ATP10D: variants seen among roughly 807,000 people sequenced by gnomAD.
ATP10D encodes phospholipid-transporting ATPase VD.
In ATP10D, 89 loss-of-function variants were observed where a neutral mutation model predicts 144.8. The observed-to-expected ratio is 0.61, with a 90% CI of 0.52 to 0.73. ATP10D has a LOEUF of 0.73. Among genes scored for constraint, ATP10D ranks in the 30% least tolerant of loss-of-function variants. The pLI is 0.00. For synonymous variants in ATP10D, 571 were observed against 615.1 expected (o/e 0.93, Z 1.06); for missense variants, 1,603 against 1,714.8 (o/e 0.93, Z 1.15).
Position 47,512,706 on chromosome 4 carries a change from C to T in ATP10D, c.166C>T (p.His56Tyr), listed in dbSNP as rs1254583453. Residue 56 changes from histidine to tyrosine, a missense_variant, in exon 2 of 23, where the codon CAC (histidine) becomes TAC (tyrosine). Physicochemically the swap from His to Tyr is moderately conservative, Grantham distance 83 (BLOSUM62 2). Coordinates refer to ENST00000273859, the MANE Select transcript of ATP10D (RefSeq NM_020453.4). ...LSGRHRIVVP[H>Y]IQPFKDEYEK... ...AGGAAGGCACCGGATTGTTGTTCCC[C>T]ACATCCAGCCCTTCAAGGATGAGTA... 3 of 1,614,096 alleles carry T rather than the reference C, an allele frequency of 1.9e-6. No homozygotes were observed. The highest frequency in any genetic ancestry group is 2.5e-6 in the Non-Finnish European group (3 of 1,180,044).
intron 1 of ATP10D, among the ~76,000 whole-genome samples, chr4:47,501,514 T>A (rs952670997): frequency 3.3e-5 from 5 of 152,226 alleles, no homozygotes; most frequent in Non-Finnish European, 4.4e-5. Context: ...TCTCCTATTC[T>A]CTCTCCCAAC....
At position 47,591,310 on chromosome 4, in the gene ATP10D, G is replaced by A. The variant is rs533724339; in HGVS notation, c.4210G>A (p.Ala1404Thr). ...EQGNLSLCET[A>T]LDQGYSETKA... is the part of the protein sequence containing the mutation. ...AGGAAACTTATCTCTGTGTGAAACTGCTTTAGATCAAGGCTACTCTGAAAC... is the reference window on the plus strand; with the variant it reads ...AGGAAACTTATCTCTGTGTGAAACTACTTTAGATCAAGGCTACTCTGAAAC... Residue 1404 changes from alanine to threonine, a missense_variant, in exon 23 of 23, where the codon GCT (alanine) becomes ACT (threonine). Coordinates refer to ENST00000273859, the MANE Select transcript of ATP10D (RefSeq NM_020453.4). 6.2e-7 allele frequency: 1 copy of A among 1,612,708 alleles called. No individual in the cohort carries two copies. The highest frequency in any genetic ancestry group is 1.7e-5 in the Admixed American group (1 of 59,982).
At chr4:47,572,287 G>T in intron 17 of ATP10D, 57 bp downstream of exon 17, 1 of 1,466,578 alleles carries the variant, frequency 6.8e-7, no homozygotes, top group Non-Finnish European at 9.5e-7. Flanking sequence ...TCCAAAGGCA[G>T]CATTCTCCAT....
chr4:47,515,895 G>A (rs184356799), intron 3 of ATP10D, among the ~76,000 whole-genome samples: 1 of 152,278 alleles, frequency 6.6e-6, no homozygotes, highest in Admixed American at 6.5e-5. Flanking sequence ...AGCCGACAAA[G>A]CAAAAGCTTC....
In ATP10D at chr4:47,557,821, C is replaced by T. The variant is rs373967400; in HGVS notation, c.1982C>T (p.Pro661Leu). The T allele has an allele frequency of 7.4e-5, 119 of 1,614,086 alleles. No homozygotes were observed. Among genetic ancestry groups the T allele is most frequent in the Non-Finnish European group, 9.7e-5 (115 of 1,180,042 alleles). The change falls in exon 12 of 23, where the codon CCT (proline) becomes CTT (leucine). Residue 661 changes from proline (P) to leucine (L), a missense_variant. Physicochemically the swap from Pro to Leu is moderately conservative, Grantham distance 98. Coordinates refer to ENST00000273859, the MANE Select transcript of ATP10D (RefSeq NM_020453.4). The part of the protein sequence containing the change: ...GVPNAFVSRL[P>L]LFSRMKPASP... ...CCAAACGCCTTTGTGAGCAGACTCC[C>T]TCTCTTTAGTCGAATGAAACCAGCT...
chr4:47,584,479 G>A lies in ATP10D; in HGVS notation c.3753+2415G>A, dbSNP rs191392267. ...ACTATCTCTGCTCACTGCAAGCTCC[G>A]CCTCCCAGGTTCATGCCATTCTTCT... is the stretch of plus-strand genomic sequence containing the variant. On this transcript the variant is annotated intron_variant, in intron 21 of 22. Coordinates refer to ENST00000273859, the MANE Select transcript of ATP10D (RefSeq NM_020453.4). Among the ~76,000 whole-genome samples, 11 of 152,116 alleles carry A rather than the reference G, an allele frequency of 7.2e-5. No individual in the cohort carries two copies. The East Asian group carries it at 7.8e-4, about 11-fold the overall frequency.
At chr4:47,488,119 G>A (rs990234024) in intron 1 of ATP10D, among the ~76,000 whole-genome samples, 3 of 151,972 alleles carry the variant, frequency 2.0e-5, no homozygotes, top group Admixed American at 6.6e-5. Context: ...TACAAAAAAT[G>A]GAAACAAAGC....
chr4:47,587,097 G>T lies in ATP10D; in HGVS notation c.3832G>T (p.Val1278Leu). 6.2e-7 allele frequency: 1 copy of T among 1,614,082 alleles called. No individual in the cohort carries two copies. Among genetic ancestry groups the T allele is most frequent in the South Asian group, 1.1e-5 (1 of 91,084 alleles). Reference protein sequence around the residue: ...LFAIVFGAMCVTCNPPSNPYW... With the variant: ...LFAIVFGAMCLTCNPPSNPYW... The stretch of plus-strand genomic sequence containing the variant: ...TGCCATAGTTTTTGGAGCCATGTGT[G>T]TAACTTGCAACCCACCATCCAACCC... Residue 1278 changes from valine to leucine, a missense_variant, in exon 22 of 23, where the codon GTA becomes TTA. Physicochemically the swap from Val to Leu is conservative, Grantham distance 32. Transcript: ENST00000273859.
chr4:47,520,809 C>T (rs919742112), intron 3 of ATP10D, among the ~76,000 whole-genome samples: 7 of 152,118 alleles, frequency 4.6e-5, no homozygotes, highest in Admixed American at 1.3e-4. Flanking sequence ...CCCTGTGATC[C>T]GCCCCCCTCG....
At chr4:47,572,775 T>C in intron 17 of ATP10D, 97 bp from the exon 18 acceptor site, 1 of 1,475,634 alleles carries the variant, frequency 6.8e-7, no homozygotes. Context: ...CAGAAGAAGG[T>C]AGAATATGAG....
chr4:47,495,313 G>C (rs1370239726), intron 1 of ATP10D, among the ~76,000 whole-genome samples: 1 of 151,328 alleles, frequency 6.6e-6, no homozygotes, highest in East Asian at 1.9e-4. Flanking sequence ...ATGAAGTTGT[G>C]CTTTAAAAAA....
rs1337426161 is a variant in ATP10D, at chr4:47,531,987, A to T, written c.777-3522A>T. ...GCCCAGTGCATGTAGTTAGATTTTT[A>T]AAAAACTGTATGAGAACACTGTTGC... is the stretch of plus-strand genomic sequence containing the variant. On this transcript the variant is annotated intron_variant, in intron 5 of 22. Coordinates refer to ENST00000273859, the MANE Select transcript of ATP10D (RefSeq NM_020453.4). 7.2e-5 allele frequency among the ~76,000 whole-genome samples: 11 copies of T among 152,224 alleles called. No individual in the cohort carries two copies. In the South Asian group the frequency reaches 1.7e-3, roughly 23 times the overall value.
intron 1 of ATP10D, chr4:47,491,383 A>G (rs997478333): frequency 1.2e-4 from 89 of 732,582 alleles, no homozygotes; most frequent in Non-Finnish European, 3.2e-5. Context: ...TATGTGGCCA[A>G]AGGAACAACT....
chr4:47,558,371 G>T, intron 12 of ATP10D, 98 bp downstream of exon 12: 1 of 1,458,322 alleles, frequency 6.9e-7, no homozygotes, highest in Non-Finnish European at 9.2e-7. Flanking sequence ...ACAGCTATCT[G>T]GGGACTAATC....
intron 18 of ATP10D, among the ~76,000 whole-genome samples, chr4:47,575,134 A>G (rs1186863372): frequency 6.6e-6 from 1 of 152,064 alleles, no homozygotes; most frequent in Admixed American, 6.5e-5. Context: ...ACCATTTTCT[A>G]ACTTGATCTT....
intron 1 of ATP10D, among the ~76,000 whole-genome samples, chr4:47,488,279 G>T (rs1032672516): frequency 6.6e-6 from 1 of 151,784 alleles, no homozygotes; most frequent in Non-Finnish European, 1.5e-5. Context: ...ATTATCTTAT[G>T]TGTAAAATAT....
intron 1 of ATP10D, among the ~76,000 whole-genome samples, chr4:47,501,996 C>T (rs1201530148): frequency 1.3e-5 from 2 of 152,020 alleles, no homozygotes; most frequent in Non-Finnish European, 2.9e-5. Flanking sequence ...ATGCTTTTTT[C>T]AGCTTTAAAA....
Position 47,489,342 on chromosome 4 carries a change from G to T in ATP10D, c.-38+3823G>T, listed in dbSNP as rs562864994. On this transcript the variant is annotated intron_variant, in intron 1 of 22. Coordinates refer to ENST00000273859, the MANE Select transcript of ATP10D (RefSeq NM_020453.4). The stretch of plus-strand genomic sequence containing the variant: ...TTCATGATATGGAAAAATGTTTATG[G>T]TATGAGAAGTGGATAAAAGCAAGTT... 6.6e-5 allele frequency among the ~76,000 whole-genome samples: 10 copies of T among 152,010 alleles called. No individual in the cohort carries two copies. In the East Asian group the frequency reaches 1.9e-3, roughly 29 times the overall value.
chr4:47,525,647 G>A lies in ATP10D; in HGVS notation c.776+5G>A, dbSNP rs1717202889. 6.3e-7 allele frequency: 1 copy of A among 1,598,592 alleles called. No homozygotes were observed. Among genetic ancestry groups the A allele is most frequent in the South Asian group, 1.1e-5 (1 of 90,700 alleles). ...CAGCAGATTCCGAGGCTTCCTGTGA[G>A]TAATACATGATGAACATTTGTGGGT... On this transcript the variant is annotated splice_donor_5th_base_variant and intron_variant, in intron 5 of 22. Transcript: ENST00000273859.
Sources: gnomAD v4.1 joint callset for allele counts (sites outside exome capture counted in the v4.1 genomes callset) on GRCh38, gnomAD v4.1.1 for gene constraint, MANE v1.5 for transcripts, NCBI Gene and HGNC (gene_info 2026-07-23, HGNC 2026-07-21) for gene names.